MAMLD1: variants seen among roughly 807,000 people sequenced by gnomAD.
MAMLD1 encodes the protein mastermind-like domain-containing protein 1.
In MAMLD1, 14 loss-of-function variants were observed where a neutral mutation model predicts 45.0. The observed-to-expected ratio is 0.31, with a 90% CI of 0.21 to 0.49. The LOEUF is 0.49. MAMLD1 is among the 20% of genes least tolerant of loss of function. MAMLD1 has a pLI of 0.99. For synonymous variants in MAMLD1, 254 were observed against 247.8 expected, an observed-to-expected ratio of 1.02 and a Z score of -0.24; for missense variants, 543 against 603.6, an observed-to-expected ratio of 0.90 and a Z score of 1.05.
At chrX:150,458,722 T>C (rs1481368781) in intron 2 of MAMLD1, among the ~76,000 whole-genome samples, 6 of 112,197 alleles carry the variant, frequency 5.3e-5, no homozygotes, top group African/African-American at 1.9e-4. Context: ...ATATATATTG[T>C]GAAATGATTA....
chrX:150,433,951 G>A (rs782253938), intron 1 of MAMLD1, among the ~76,000 whole-genome samples: 2 of 111,585 alleles, frequency 1.8e-5, no homozygotes, highest in Admixed American at 9.5e-5. Flanking sequence ...TCTTTCCTCC[G>A]CAGTTTTTTG....
chrX:150,509,827 G>A, intron 6 of MAMLD1, 135 bp from the exon 7 acceptor site: 1 of 534,651 alleles, frequency 1.9e-6, no homozygotes. Context: ...GGGCATGCAT[G>A]CGAGTGTATG....
intron 2 of MAMLD1, among the ~76,000 whole-genome samples, chrX:150,456,694 C>T (rs1263947589): frequency 8.9e-6 from 1 of 112,498 alleles, no homozygotes; most frequent in Non-Finnish European, 1.9e-5. Flanking sequence ...GCAGTCTCTG[C>T]TGAGTCATTG....
intron 1 of MAMLD1, among the ~76,000 whole-genome samples, chrX:150,392,667 G>T (rs782588025): frequency 9.0e-6 from 1 of 110,588 alleles, no homozygotes; most frequent in Non-Finnish European, 1.9e-5. Context: ...TTTTCTGTTG[G>T]TGTTGACTAA....
intron 1 of MAMLD1, among the ~76,000 whole-genome samples, chrX:150,442,712 A>G (rs2035356640): frequency 8.9e-6 from 1 of 112,074 alleles, no homozygotes; most frequent in African/African-American, 3.2e-5. Flanking sequence ...AGGAAAGTCC[A>G]TTATATTTAC....
In MAMLD1 at chrX:150,500,347, T is replaced by G. The variant is rs191727273; in HGVS notation, c.2041-2927T>G. On this transcript the variant is annotated intron_variant, in intron 5 of 7. Transcript: ENST00000370401. Reference sequence around the variant, plus strand: ...AGAGCTCCAAGGAGATTGGTATGACTGGGGGTACGTGACATTATGGAACGC... The same window carrying G: ...AGAGCTCCAAGGAGATTGGTATGACGGGGGGTACGTGACATTATGGAACGC... 4.7e-3 allele frequency among the ~76,000 whole-genome samples: 523 copies of G among 111,236 alleles called. 1 individual carries two copies. Among genetic ancestry groups the G allele is most frequent in the Non-Finnish European group, 7.1e-3 (376 of 52,945 alleles).
At position 150,485,914 on chromosome X, in the gene MAMLD1, A is replaced by C. The variant is rs782798792; in HGVS notation, c.2040+12112A>C. ...CAGGCCCCAAGCTTCATCATTAAAA[A>C]TCGGGTGTTTTTTAATATGAGGCTG... On this transcript the variant is annotated intron_variant, in intron 5 of 7. Coordinates refer to ENST00000370401, the MANE Select transcript of MAMLD1 (RefSeq NM_005491.5). Among the ~76,000 whole-genome samples the C allele has an allele frequency of 7.1e-5, 8 of 111,905 alleles. No individual in the cohort carries two copies. The South Asian group carries it at 3.0e-3, about 42-fold the overall frequency.
chrX:150,374,189 T>A (rs2032187086), intron 1 of MAMLD1, among the ~76,000 whole-genome samples: 1 of 112,861 alleles, frequency 8.9e-6, no homozygotes, highest in Non-Finnish European at 1.9e-5. Context: ...CAATGTTGCA[T>A]CTAATTTAGG....
At chrX:150,510,089 G>T (rs1557409058) in intron 7 of MAMLD1, 43 bp downstream of exon 7, 1 of 889,058 alleles carries the variant, frequency 1.1e-6, no homozygotes, top group Admixed American at 2.3e-5. Flanking sequence ...TGGGCAAGGG[G>T]TGCATATGTG....
chrX:150,430,741 T>G (rs1213018902), intron 1 of MAMLD1, among the ~76,000 whole-genome samples: 1 of 112,331 alleles, frequency 8.9e-6, no homozygotes, highest in African/African-American at 3.2e-5. Context: ...ACTGAATTGC[T>G]TTTGCACTTT....
intron 2 of MAMLD1, among the ~76,000 whole-genome samples, chrX:150,454,537 A>T (rs782403224): frequency 5.4e-5 from 6 of 112,105 alleles, no homozygotes; most frequent in Non-Finnish European, 1.1e-4. Flanking sequence ...TCAGTTTTCC[A>T]GGTAAGAAAA....
intron 1 of MAMLD1, among the ~76,000 whole-genome samples, chrX:150,401,706 C>A (rs1557402444): frequency 1.8e-5 from 2 of 111,835 alleles, no homozygotes; most frequent in African/African-American, 6.5e-5. Flanking sequence ...CAGCATGGTA[C>A]TGGTACCAAA....
rs190582696 is a variant in MAMLD1, at chrX:150,395,972, A to C, written c.-64+32442A>C. The stretch of plus-strand genomic sequence containing the variant: ...TTTTATTCTGCTTACTTAGGGTTTA[A>C]TGTGCTTTTTTTTTTCTTTTTTCTT... On this transcript the variant is annotated intron_variant, in intron 1 of 7. Coordinates refer to ENST00000370401, the MANE Select transcript of MAMLD1 (RefSeq NM_005491.5). Among the ~76,000 whole-genome samples, 304 of 106,105 alleles carry C rather than the reference A, an allele frequency of 2.9e-3. 6 individuals carry two copies. Among genetic ancestry groups the C allele is most frequent in the Admixed American group, 0.027 (269 of 9,876 alleles). 92.1% of individuals were successfully genotyped at this position (106,105 alleles called of 115,157 possible).
At position 150,513,014 on chromosome X, in the gene MAMLD1, G is replaced by T. The variant is rs1282648815; in HGVS notation, c.*1055G>T. 8.7e-7 allele frequency: 1 copy of T among 1,151,990 alleles called. No individual in the cohort carries two copies. The highest frequency in any genetic ancestry group is 1.1e-6 in the Non-Finnish European group (1 of 870,316). The allele number at this position is 1,151,990 out of a possible 1,213,427, so 94.9% of individuals were successfully genotyped here. A position where few individuals can be genotyped will look rare whatever the true frequency, so the allele number is the denominator to read the frequency against. ...CGACATTTTGGAACAGCATGCTGCTGCTCAAAATGCCACAGCCCAGAATTC... is the reference window on the plus strand; with the variant it reads ...CGACATTTTGGAACAGCATGCTGCTTCTCAAAATGCCACAGCCCAGAATTC... On this transcript the variant is annotated 3_prime_UTR_variant, in exon 8 of 8. Coordinates refer to ENST00000370401, the MANE Select transcript of MAMLD1 (RefSeq NM_005491.5).
intron 5 of MAMLD1, among the ~76,000 whole-genome samples, chrX:150,476,390 T>A (rs1446946042): frequency 8.9e-6 from 1 of 112,551 alleles, no homozygotes; most frequent in Non-Finnish European, 1.9e-5. Flanking sequence ...GTTTCACTAT[T>A]CACGACTGCA....
intron 2 of MAMLD1, among the ~76,000 whole-genome samples, chrX:150,445,984 T>C (rs1303491938): frequency 1.8e-5 from 2 of 111,835 alleles, no homozygotes; most frequent in Admixed American, 9.5e-5. Context: ...CTTCCTAGTA[T>C]GACTGAGAAC....
chrX:150,398,379 A>G (rs868919377), intron 1 of MAMLD1, among the ~76,000 whole-genome samples: 62 of 101,586 alleles, frequency 6.1e-4, no homozygotes, highest in East Asian at 1.2e-3. Flanking sequence ...AAGAGGAAGA[A>G]GAAGAGGAAG....
At chrX:150,493,492 T>C (rs1326918491) in intron 5 of MAMLD1, among the ~76,000 whole-genome samples, 1 of 111,890 alleles carries the variant, frequency 8.9e-6, no homozygotes, top group Non-Finnish European at 1.9e-5. Context: ...GAAGAGTATA[T>C]AAAACATATA....
intron 1 of MAMLD1, among the ~76,000 whole-genome samples, chrX:150,412,319 C>A (rs1260501409): frequency 9.0e-6 from 1 of 110,821 alleles, no homozygotes; most frequent in African/African-American, 3.3e-5. Context: ...TTGCATTGTA[C>A]CCCCACCCCT....
Sources: allele counts gnomAD v4.1 joint callset (sites outside exome capture counted in the v4.1 genomes callset), GRCh38; gene constraint gnomAD v4.1.1; transcripts MANE v1.5; gene names NCBI Gene and HGNC (gene_info 2026-07-23, HGNC 2026-07-21).